Variants in KDM4C observed in about 807,000 individuals in gnomAD.
KDM4C encodes lysine-specific demethylase 4C.
A neutral mutation model predicts 129.3 loss-of-function variants in KDM4C; 81 were observed. The observed-to-expected ratio is 0.63, with a 90% confidence interval of 0.52 to 0.75. The LOEUF (loss-of-function observed/expected upper bound fraction) is 0.75. KDM4C is among the 30% of genes least tolerant of loss of function. The pLI is 0.00. For missense variants in KDM4C, 1,457 were observed against 1,304.0 expected (o/e 1.12, Z -1.81); for synonymous variants, 573 against 456.1 (o/e 1.26, Z -3.26).
At chr9:6,927,208 C>A (rs10123114) in intron 8 of KDM4C, among the ~76,000 whole-genome samples, 1 of 152,054 alleles carries the variant, frequency 6.6e-6, no homozygotes, top group Admixed American at 6.5e-5. Flanking sequence ...TGGCTCACTG[C>A]AACCTCCTCT....
At chr9:6,966,185 T>G (rs191551312) in intron 8 of KDM4C, among the ~76,000 whole-genome samples, 224 of 152,284 alleles carry the variant, frequency 1.5e-3, no homozygotes, top group African/African-American at 5.2e-3. Context: ...TTTCCACTCC[T>G]AATACTTTTT....
chr9:6,871,250 T>G (rs1032609858), intron 5 of KDM4C, among the ~76,000 whole-genome samples: 3 of 152,230 alleles, frequency 2.0e-5, no homozygotes, highest in Admixed American at 6.5e-5. Context: ...TTCATAAGTA[T>G]AGATTTACTT....
chr9:6,995,637 T>C (rs1414041241), intron 12 of KDM4C, among the ~76,000 whole-genome samples: 4 of 152,224 alleles, frequency 2.6e-5, no homozygotes, highest in Admixed American at 6.5e-5. Flanking sequence ...AATTATCTTT[T>C]GATGGTTTCA....
chr9:6,771,837 T>TC (rs201470718), intron 1 of KDM4C, among the ~76,000 whole-genome samples: 1 of 132,442 alleles, frequency 7.6e-6, no homozygotes, highest in Non-Finnish European at 1.7e-5. Flanking sequence ...CTGGAGGGCC[T>TC]CAATGGGTGA....
intron 8 of KDM4C, among the ~76,000 whole-genome samples, chr9:6,946,955 C>T (rs1179267255): frequency 6.6e-6 from 1 of 151,990 alleles, no homozygotes; most frequent in African/African-American, 2.4e-5. Context: ...GGCCAGATCC[C>T]AAATATTCCA....
intron 17 of KDM4C, among the ~76,000 whole-genome samples, chr9:7,098,709 A>C (rs1836731343): frequency 6.6e-6 from 1 of 152,076 alleles, no homozygotes; most frequent in Admixed American, 6.5e-5. Context: ...ATTTCTCTTT[A>C]TTAATCTACT....
chr9:6,968,418 C>T (rs1831381794), intron 8 of KDM4C, among the ~76,000 whole-genome samples: 1 of 152,174 alleles, frequency 6.6e-6, no homozygotes, highest in African/African-American at 2.4e-5. Context: ...CTTGGTGAAG[C>T]AGTTTTTTAT....
At chr9:6,874,654 G>A (rs1321898288) in intron 5 of KDM4C, among the ~76,000 whole-genome samples, 2 of 152,070 alleles carry the variant, frequency 1.3e-5, no homozygotes, top group Admixed American at 6.5e-5. Context: ...GTGGAATTTC[G>A]GAGCCCCAAG....
chr9:6,806,065 G>GT (rs147468110), intron 3 of KDM4C, among the ~76,000 whole-genome samples: 3 of 152,118 alleles, frequency 2.0e-5, no homozygotes, highest in Admixed American at 1.3e-4. Flanking sequence ...TTGTTGGGCA[G>GT]TTTTTTTGGT....
chr9:6,759,600 A>G (rs1382248592), intron 1 of KDM4C, among the ~76,000 whole-genome samples: 1 of 152,178 alleles, frequency 6.6e-6, no homozygotes, highest in Non-Finnish European at 1.5e-5. Flanking sequence ...AATACAGTAC[A>G]ATTTAAACCG....
intron 15 of KDM4C, among the ~76,000 whole-genome samples, chr9:7,016,566 C>T (rs59601164): frequency 0.015 from 2,343 of 151,476 alleles, 39 homozygotes; most frequent in African/African-American, 0.052. Context: ...TCTGGGACTA[C>T]GGGCGCCTGC....
intron 10 of KDM4C, among the ~76,000 whole-genome samples, chr9:6,985,701 T>A (rs1817570264): frequency 6.6e-6 from 1 of 152,062 alleles, no homozygotes; most frequent in East Asian, 1.9e-4. Flanking sequence ...AATTTTTAAA[T>A]TTTTTTTGAG....
rs891872146 is a variant in KDM4C, at chr9:7,077,332, G to T, written c.2425-26353G>T. The T allele has an allele frequency of 6.8e-6, 4 of 590,898 alleles. No individual in the cohort carries two copies. In the African/African-American group the frequency reaches 8.1e-5, roughly 12 times the overall value. The allele number at this position is 590,898 out of a possible 1,614,324, so 36.6% of individuals were successfully genotyped here. A position where few individuals can be genotyped will look rare whatever the true frequency, so the allele number is the denominator to read the frequency against. ...TTTGGACATATAGTTGTCATCCTATGCCCCTCCCCTCAACTACGGCTGAAA... is the reference window on the plus strand; with the variant it reads ...TTTGGACATATAGTTGTCATCCTATTCCCCTCCCCTCAACTACGGCTGAAA... On this transcript the variant is annotated intron_variant, in intron 17 of 21. Coordinates refer to ENST00000381309, the MANE Select transcript of KDM4C (RefSeq NM_015061.6).
chr9:6,724,199 C>A (rs139734822), intron 1 of KDM4C, among the ~76,000 whole-genome samples: 1 of 152,198 alleles, frequency 6.6e-6, no homozygotes, highest in East Asian at 1.9e-4. Flanking sequence ...TTTTCAGCTA[C>A]AAGTGATGGT....
chr9:7,102,260 A>G (rs1293558386), intron 17 of KDM4C, among the ~76,000 whole-genome samples: 1 of 149,794 alleles, frequency 6.7e-6, no homozygotes, highest in Non-Finnish European at 1.5e-5. Flanking sequence ...TAACACTTAG[A>G]CCATGAAGGG....
intron 12 of KDM4C, 34 bp from the exon 13 acceptor site, chr9:7,011,664 A>C (rs1822718135): frequency 6.3e-7 from 1 of 1,585,638 alleles, no homozygotes; most frequent in Non-Finnish European, 8.7e-7. Flanking sequence ...CCTGGTTCCC[A>C]TGCTCATGGT....
At chr9:6,732,241 T>C (rs1490102889) in intron 1 of KDM4C, among the ~76,000 whole-genome samples, 1 of 151,074 alleles carries the variant, frequency 6.6e-6, no homozygotes, top group East Asian at 1.9e-4. Context: ...GGTGGGCGCC[T>C]GTAGTCCCAG....
chr9:6,814,612 T>C lies in KDM4C; in HGVS notation c.321-19T>C, dbSNP rs1403887798. 2 of 1,456,980 alleles carry C rather than the reference T, an allele frequency of 1.4e-6. No homozygotes were observed. The highest frequency in any genetic ancestry group is 2.5e-5 in the South Asian group (2 of 80,898). 90.3% of individuals were successfully genotyped at this position (1,456,980 alleles called of 1,614,324 possible). Reference sequence around the variant, plus strand: ...ACTGACTTACTGGTTTGTACATTTTTGTCATCTACCTTTTACAGATATTGT... The same window carrying C: ...ACTGACTTACTGGTTTGTACATTTTCGTCATCTACCTTTTACAGATATTGT... On this transcript the variant is annotated intron_variant, in intron 3 of 21. Coordinates refer to ENST00000381309, the MANE Select transcript of KDM4C (RefSeq NM_015061.6).
intron 18 of KDM4C, among the ~76,000 whole-genome samples, chr9:7,107,715 A>G (rs1427405738): frequency 6.6e-6 from 1 of 152,244 alleles, no homozygotes; most frequent in Non-Finnish European, 1.5e-5. Context: ...CGTGGCTGTT[A>G]ACATGGAGAC....
Sources: gnomAD v4.1 joint callset for allele counts (sites outside exome capture counted in the v4.1 genomes callset) on GRCh38, gnomAD v4.1.1 for gene constraint, MANE v1.5 for transcripts, NCBI Gene and HGNC (gene_info 2026-07-23, HGNC 2026-07-21) for gene names.